Variants in ADK observed in about 807,000 individuals in gnomAD.
ADK encodes the protein adenosine kinase, also known as N6,N6-dimethyladenosine kinase.
In ADK, 24 loss-of-function variants were observed where a neutral mutation model predicts 44.7. The ratio of observed to expected loss-of-function variants is 0.54; its 90% CI spans 0.39 to 0.76. The LOEUF is 0.76. Among genes scored for constraint, ADK ranks in the 30% least tolerant of loss-of-function variants. The pLI, the probability that ADK is intolerant of heterozygous loss-of-function variation, is 0.00. For missense variants in ADK, 321 were observed against 425.1 expected (o/e 0.76, Z 2.15); for synonymous variants, 128 against 142.6 (o/e 0.90, Z 0.73).
intron 1 of ADK, among the ~76,000 whole-genome samples, chr10:74,194,823 G>C (rs1373024030): frequency 1.3e-5 from 2 of 152,196 alleles, no homozygotes; most frequent in Admixed American, 1.3e-4. Flanking sequence ...AAGAGAAGAT[G>C]ACTGGTGTAA....
At chr10:74,154,252 A>G (rs1465377625) in intron 1 of ADK, among the ~76,000 whole-genome samples, 1 of 151,814 alleles carries the variant, frequency 6.6e-6, no homozygotes. Flanking sequence ...CTCAGTTCTC[A>G]GATCTTAATT....
At chr10:74,312,361 T>TG (rs1273781506) in intron 3 of ADK, among the ~76,000 whole-genome samples, 1 of 151,762 alleles carries the variant, frequency 6.6e-6, no homozygotes, top group Non-Finnish European at 1.5e-5. Flanking sequence ...TATAAGATAC[T>TG]GGGGTTTCTA....
chr10:74,620,002 G>A (rs1019326201), intron 9 of ADK, among the ~76,000 whole-genome samples: 1 of 152,122 alleles, frequency 6.6e-6, no homozygotes, highest in Non-Finnish European at 1.5e-5. Flanking sequence ...GATTATGGGC[G>A]TGAGCCACAA....
chr10:74,295,896 T>A (rs572535058), intron 3 of ADK, among the ~76,000 whole-genome samples: 1 of 152,320 alleles, frequency 6.6e-6, no homozygotes, highest in Non-Finnish European at 1.5e-5. Context: ...CCCTACAGTA[T>A]CTTTCTGTGA....
chr10:74,610,572 A>AT (rs1189427063), intron 9 of ADK, among the ~76,000 whole-genome samples: 1 of 152,154 alleles, frequency 6.6e-6, no homozygotes, highest in Non-Finnish European at 1.5e-5. Context: ...TTTTATGTAT[A>AT]TTTTTATTTT....
chr10:74,452,396 CAT>C (rs1317984550), intron 6 of ADK, among the ~76,000 whole-genome samples: 1 of 151,952 alleles, frequency 6.6e-6, no homozygotes, highest in African/African-American at 2.4e-5. Context: ...TTGATTGACA[CAT>C]ATGAATGTAG....
chr10:74,158,524 A>C (rs1444384833), intron 1 of ADK, among the ~76,000 whole-genome samples: 1 of 152,228 alleles, frequency 6.6e-6, no homozygotes, highest in Non-Finnish European at 1.5e-5. Flanking sequence ...TCTGACACAA[A>C]TGTATATGCT....
At chr10:74,553,190 GTTTTTTTTTTTTT>G (rs386371837) in intron 7 of ADK, among the ~76,000 whole-genome samples, 16 of 60,418 alleles carry the variant, frequency 2.6e-4, no homozygotes, top group Non-Finnish European at 3.8e-4. Flanking sequence ...AGCACATTGT[GTTTTTTTTTTTTT>G]TTTTTTTTTT....
At chr10:74,671,568 A>G (rs567231399) in intron 10 of ADK, among the ~76,000 whole-genome samples, 25 of 152,268 alleles carry the variant, frequency 1.6e-4, no homozygotes, top group South Asian at 6.2e-4. Context: ...ATAATATTAG[A>G]GTACTTAGCA....
At chr10:74,407,509 T>A (rs1296132777) in intron 6 of ADK, among the ~76,000 whole-genome samples, 1 of 152,218 alleles carries the variant, frequency 6.6e-6, no homozygotes, top group African/African-American at 2.4e-5. Context: ...TTAATCTGAT[T>A]ACCTTGGTAT....
chr10:74,632,257 G>C (rs900123288), intron 9 of ADK, among the ~76,000 whole-genome samples: 2 of 152,076 alleles, frequency 1.3e-5, no homozygotes, highest in African/African-American at 4.8e-5. Context: ...TGTTTTCAAG[G>C]TTCATCCACA....
At chr10:74,170,468 AG>A (rs1842129196) in intron 1 of ADK, among the ~76,000 whole-genome samples, 2 of 152,190 alleles carry the variant, frequency 1.3e-5, no homozygotes, top group Non-Finnish European at 2.9e-5. Context: ...GTTTTCAAAA[AG>A]GGCAGGAGTA....
chr10:74,310,501 T>C (rs1158875117), intron 3 of ADK, among the ~76,000 whole-genome samples: 1 of 152,140 alleles, frequency 6.6e-6, no homozygotes, highest in African/African-American at 2.4e-5. Flanking sequence ...ACATCTTACA[T>C]TTCTTTATCA....
chr10:74,358,878 A>G (rs889084212), intron 4 of ADK, among the ~76,000 whole-genome samples: 16 of 152,196 alleles, frequency 1.1e-4, no homozygotes, highest in Non-Finnish European at 1.5e-4. Flanking sequence ...ATTATTTCAA[A>G]TTGTACATAA....
chr10:74,388,003 G>A (rs1226460332), intron 4 of ADK, among the ~76,000 whole-genome samples: 1 of 152,088 alleles, frequency 6.6e-6, no homozygotes, highest in African/African-American at 2.4e-5. Flanking sequence ...CACCTCCTGG[G>A]TTCAAGCGAT....
intron 6 of ADK, among the ~76,000 whole-genome samples, chr10:74,498,302 A>G (rs1241612930): frequency 6.6e-6 from 1 of 152,210 alleles, no homozygotes; most frequent in East Asian, 1.9e-4. Context: ...AGATTTTACC[A>G]CTGATCAGGT....
intron 1 of ADK, among the ~76,000 whole-genome samples, chr10:74,199,436 A>G (rs1268627902): frequency 6.6e-6 from 1 of 152,158 alleles, no homozygotes; most frequent in African/African-American, 2.4e-5. Flanking sequence ...AAGTGAAAAC[A>G]TGTGATATTT....
chr10:74,501,793 T>G (rs1287468669), intron 6 of ADK, among the ~76,000 whole-genome samples: 2 of 152,140 alleles, frequency 1.3e-5, no homozygotes, highest in African/African-American at 4.8e-5. Flanking sequence ...GAAGTATCCA[T>G]AATAGGTAAA....
chr10:74,521,690 C>T (rs1211577830), intron 6 of ADK, among the ~76,000 whole-genome samples: 1 of 152,126 alleles, frequency 6.6e-6, no homozygotes, highest in Non-Finnish European at 1.5e-5. Flanking sequence ...CAAGACAGTA[C>T]ATCCATATTA....
Sources: allele counts gnomAD v4.1 joint callset (sites outside exome capture counted in the v4.1 genomes callset), GRCh38; gene constraint gnomAD v4.1.1; transcripts MANE v1.5; gene names NCBI Gene and HGNC (gene_info 2026-07-23, HGNC 2026-07-21).